Variants in ST7L observed in about 807,000 individuals in gnomAD.
ST7L encodes suppressor of tumorigenicity 7 protein-like.
ST7L carries 57 observed loss-of-function variants against 72.5 expected under a neutral mutation model. The ratio of observed to expected loss-of-function variants is 0.79; its 90% confidence interval spans 0.64 to 0.98. The LOEUF is 0.98. Among genes scored for constraint, ST7L ranks in the 50% least tolerant of loss-of-function variants. The pLI, the probability that ST7L is intolerant of heterozygous loss-of-function variation, is 0.00. For synonymous variants in ST7L, 221 were observed against 240.9 expected (o/e 0.92, Z 0.77); for missense variants, 576 against 672.2 (o/e 0.86, Z 1.58).
chr1:112,608,022 T>A (rs7519368), intron 3 of ST7L, among the ~76,000 whole-genome samples: 37,908 of 151,468 alleles, frequency 0.25, 5,025 homozygotes, highest in Non-Finnish European at 0.28. Context: ...ACTTAAAAAA[T>A]TTTTTTTTCC....
At chr1:112,556,292 G>C (rs1212554694) in intron 11 of ST7L, among the ~76,000 whole-genome samples, 1 of 152,120 alleles carries the variant, frequency 6.6e-6, no homozygotes, top group Non-Finnish European at 1.5e-5. Context: ...AACTCGAGCT[G>C]AGAAGATGTG....
In ST7L at chr1:112,525,150, C is replaced by T. The variant is rs1653202784; in HGVS notation, c.*863G>A. ...TATGTGCTGAGAATGATGGAGCAGT[C>T]TCCTATGACTGCATGGGGTATAACT... On this transcript the variant is annotated 3_prime_UTR_variant, in exon 15 of 15. Coordinates refer to ENST00000358039, the MANE Select transcript of ST7L (RefSeq NM_017744.5). 1 of 152,242 alleles carries T rather than the reference C, an allele frequency of 6.6e-6. No individual in the cohort carries two copies. The highest frequency in any genetic ancestry group is 1.5e-5 in the Non-Finnish European group (1 of 68,076). The allele number at this position is 152,242 out of a possible 1,614,324, so 9.4% of individuals were successfully genotyped here.
Position 112,583,973 on chromosome 1 carries a change from C to T in ST7L, c.855G>A (p.Leu285=), listed in dbSNP as rs1207659828. 4 of 1,613,126 alleles carry T rather than the reference C, an allele frequency of 2.5e-6. No individual in the cohort carries two copies. Among genetic ancestry groups the T allele is most frequent in the Non-Finnish European group, 3.4e-6 (4 of 1,179,660 alleles). The change falls in exon 7 of 15, where the codon CTG becomes CTA. Residue 285 remains leucine (L), a splice_region_variant and synonymous_variant. Transcript: ENST00000358039. Reference sequence around the variant, plus strand: ...AATAACCAGTTCAAACTTGCTTACTCAGTTGAGCTTCATGCTGAGGACTTT... The same window carrying T: ...AATAACCAGTTCAAACTTGCTTACTTAGTTGAGCTTCATGCTGAGGACTTT... ...QHQSPQHEAQ[L]RRDTNVLVYI...
intron 14 of ST7L, chr1:112,526,505 C>T (rs748144793): frequency 5.0e-5 from 8 of 158,614 alleles, no homozygotes; most frequent in South Asian, 1.9e-4. Context: ...TTTGGGAGGC[C>T]GAGGTGGGGC....
intron 14 of ST7L, chr1:112,539,811 G>C (rs1422284575): frequency 2.0e-6 from 2 of 985,152 alleles, no homozygotes; most frequent in Non-Finnish European, 2.4e-6. Flanking sequence ...TAGCTTTTAG[G>C]GTTTTAAAAT....
intron 2 of ST7L, among the ~76,000 whole-genome samples, chr1:112,611,954 A>G (rs1233646487): frequency 1.5e-5 from 2 of 131,778 alleles, no homozygotes; most frequent in Non-Finnish European, 3.2e-5. Context: ...TGGGCAATAG[A>G]GTGAGACCCT....
intron 4 of ST7L, 138 bp from the exon 5 acceptor site, chr1:112,598,224 T>C (rs950604534): frequency 9.2e-6 from 5 of 541,048 alleles, no homozygotes; most frequent in Non-Finnish European, 1.6e-5. Flanking sequence ...AAACAAAAGA[T>C]AACCTCACAA....
At chr1:112,602,636 A>G (rs778685058) in intron 3 of ST7L, among the ~76,000 whole-genome samples, 4 of 152,136 alleles carry the variant, frequency 2.6e-5, no homozygotes, top group Admixed American at 2.6e-4. Flanking sequence ...TTTTGTAATG[A>G]AACACCACTT....
At chr1:112,530,124 A>T (rs1654129128) in intron 14 of ST7L, 1 of 152,238 alleles carries the variant, frequency 6.6e-6, no homozygotes, top group South Asian at 2.1e-4. Flanking sequence ...GCGACAAGCT[A>T]GAGAAGTAAT....
chr1:112,596,443 T>A (rs182855290), intron 5 of ST7L, among the ~76,000 whole-genome samples: 45 of 152,320 alleles, frequency 3.0e-4, no homozygotes, highest in Middle Eastern at 3.4e-3. Context: ...GGCATATTAC[T>A]TGATCCCCCT....
At chr1:112,608,167 C>G (rs902861732) in intron 3 of ST7L, among the ~76,000 whole-genome samples, 11 of 152,060 alleles carry the variant, frequency 7.2e-5, no homozygotes, top group Non-Finnish European at 4.4e-5. Context: ...ACTACAGGTG[C>G]GTATTACTGT....
chr1:112,561,466 C>T (rs1271986280), intron 11 of ST7L, among the ~76,000 whole-genome samples: 1 of 151,184 alleles, frequency 6.6e-6, no homozygotes, highest in Non-Finnish European at 1.5e-5. Context: ...GCCTCCCTTC[C>T]TGTCTCTATA....
intron 14 of ST7L, among the ~76,000 whole-genome samples, chr1:112,532,522 A>T (rs559133457): frequency 5.3e-5 from 8 of 152,258 alleles, no homozygotes; most frequent in African/African-American, 1.9e-4. Flanking sequence ...CTGTCCCCTA[A>T]GCTGCATCTT....
intron 11 of ST7L, among the ~76,000 whole-genome samples, chr1:112,556,992 A>AAAAAAAAAAAAAAAAAAC: frequency 7.0e-6 from 1 of 143,474 alleles, no homozygotes; most frequent in African/African-American, 2.8e-5. Context: ...AAACAAAAAA[A>AAAAAAAAAAAAAAAAAAC]AAAAAACACA....
intron 14 of ST7L, among the ~76,000 whole-genome samples, chr1:112,534,333 A>G (rs961952029): frequency 2.6e-5 from 4 of 152,244 alleles, no homozygotes; most frequent in African/African-American, 9.6e-5. Context: ...CATGACTAAA[A>G]GTAATAAGCT....
chr1:112,554,299 TA>T (rs1658734339), intron 12 of ST7L, among the ~76,000 whole-genome samples: 1 of 152,188 alleles, frequency 6.6e-6, no homozygotes, highest in Non-Finnish European at 1.5e-5. Flanking sequence ...GTAGTTAGTT[TA>T]AAACAGTCCA....
chr1:112,616,350 C>A (rs1320552826), intron 2 of ST7L, among the ~76,000 whole-genome samples: 1 of 152,130 alleles, frequency 6.6e-6, no homozygotes, highest in Non-Finnish European at 1.5e-5. Context: ...ATGCAGTGTT[C>A]CCCAAACTTG....
chr1:112,571,449 C>T lies in ST7L; in HGVS notation c.1245+5537G>A, dbSNP rs187990162. 2.3e-3 allele frequency: 667 copies of T among 288,762 alleles called. 3 individuals are homozygous for T. The highest frequency in any genetic ancestry group is 0.014 in the African/African-American group (629 of 43,690). 17.9% of individuals were successfully genotyped at this position (288,762 alleles called of 1,614,324 possible). On this transcript the variant is annotated intron_variant, in intron 11 of 14. Transcript: ENST00000358039. Reference sequence around the variant, plus strand: ...TATAGTTTTATTTATTTATTTGAGACAGAGTTTCGCTCTTGTTGCCCAGGC... The same window carrying T: ...TATAGTTTTATTTATTTATTTGAGATAGAGTTTCGCTCTTGTTGCCCAGGC...
chr1:112,565,882 G>A (rs1660932662), intron 11 of ST7L, among the ~76,000 whole-genome samples: 1 of 151,964 alleles, frequency 6.6e-6, no homozygotes. Flanking sequence ...TCCGTGGCAT[G>A]CACCTGTAGT....
Sources: allele counts gnomAD v4.1 joint callset (sites outside exome capture counted in the v4.1 genomes callset), GRCh38; gene constraint gnomAD v4.1.1; transcripts MANE v1.5; gene names NCBI Gene and HGNC (gene_info 2026-07-23, HGNC 2026-07-21).